VAV2: variants seen among roughly 807,000 people sequenced by gnomAD.
VAV2 encodes the protein vav guanine nucleotide exchange factor 2, also known as guanine nucleotide exchange factor VAV2.
In VAV2, 67 loss-of-function variants were observed where a neutral mutation model predicts 132.5. The observed-to-expected ratio is 0.51, with a 90% confidence interval of 0.42 to 0.62. The LOEUF is 0.62. Ranked by LOEUF, VAV2 falls within the 20% of genes least tolerant of loss-of-function variation. The pLI is 0.00. For synonymous variants in VAV2, 492 were observed against 443.5 expected, an observed-to-expected ratio of 1.11 and a Z score of -1.37; for missense variants, 938 against 1,153.6, an observed-to-expected ratio of 0.81 and a Z score of 2.71.
intron 1 of VAV2, among the ~76,000 whole-genome samples, chr9:133,971,156 G>A (rs953118808): frequency 6.6e-6 from 1 of 152,204 alleles, no homozygotes; most frequent in Non-Finnish European, 1.5e-5. Context: ...GTCAGGCAGA[G>A]TCCGTGTGCC....
At chr9:133,873,419 C>T (rs116384912) in intron 2 of VAV2, among the ~76,000 whole-genome samples, 5 of 152,312 alleles carry the variant, frequency 3.3e-5, no homozygotes, top group African/African-American at 9.6e-5. Flanking sequence ...ACTGTGCTCA[C>T]GGTGGAGTCA....
chr9:133,909,026 A>G (rs1380838310), intron 2 of VAV2, among the ~76,000 whole-genome samples: 1 of 152,254 alleles, frequency 6.6e-6, no homozygotes, highest in African/African-American at 2.4e-5. Context: ...CGGTAAGAAC[A>G]TCGAACTCAA....
At position 133,863,877 on chromosome 9, in the gene VAV2, G is replaced by A. The variant is rs961132888; in HGVS notation, c.322-2445C>T. On this transcript the variant is annotated intron_variant, in intron 2 of 29. Coordinates refer to ENST00000371850, the MANE Select transcript of VAV2 (RefSeq NM_001134398.2). This position sits in a 1 kb window ranked among gnomAD's most constrained non-coding sequence, Gnocchi z 5.0. ...CCATGGGGTCAGATGGGGCAAAGCC[G>A]GCCCCATGTGAAACCCACTGGCCTG... 7.9e-5 allele frequency among the ~76,000 whole-genome samples: 12 copies of A among 152,128 alleles called. No homozygotes were observed. Among genetic ancestry groups the A allele is most frequent in the East Asian group, 1.9e-4 (1 of 5,172 alleles).
Position 133,931,506 on chromosome 9 carries a change from C to T in VAV2, c.321+7597G>A, listed in dbSNP as rs536463999. ...TTCTTCCCTCCCTTCTGCCCAGCTG[C>T]CTTCCCTGTCCTCTGCCCAGAAGTG... On this transcript the variant is annotated intron_variant, in intron 2 of 29. Transcript: ENST00000371850. Among the ~76,000 whole-genome samples, 5 of 152,354 alleles carry T rather than the reference C, an allele frequency of 3.3e-5. No homozygotes were observed. The East Asian group carries it at 9.7e-4, about 29-fold the overall frequency.
chr9:133,876,062 G>T (rs904578800), intron 2 of VAV2, among the ~76,000 whole-genome samples: 1 of 152,236 alleles, frequency 6.6e-6, no homozygotes, highest in Admixed American at 6.5e-5. Flanking sequence ...TGGGACTCAC[G>T]CCATCAGGCC....
intron 2 of VAV2, among the ~76,000 whole-genome samples, chr9:133,873,557 G>A (rs1030319378): frequency 1.1e-4 from 17 of 152,166 alleles, no homozygotes; most frequent in South Asian, 2.1e-4. Flanking sequence ...CCTGGGAAAC[G>A]CCTGGACCAA....
intron 2 of VAV2, among the ~76,000 whole-genome samples, chr9:133,901,075 T>C (rs1185750723): frequency 6.6e-6 from 1 of 152,086 alleles, no homozygotes; most frequent in Admixed American, 6.6e-5. Flanking sequence ...GCTGATATCA[T>C]AGGCATGAGC....
Position 133,857,668 on chromosome 9 carries a change from TC to T in VAV2, c.380+3705del, listed in dbSNP as rs945221188. On this transcript the variant is annotated intron_variant, in intron 3 of 29. Coordinates refer to ENST00000371850, the MANE Select transcript of VAV2 (RefSeq NM_001134398.2). The surrounding 1 kb of genome is among the most constrained non-coding windows in gnomAD (Gnocchi z 4.0). ...GGTGGCTGCCCCCAGAAGGTTCAATTCCCCATGGAAATCCCAGCCCATCCGG... is the reference window on the plus strand; with the variant it reads ...GGTGGCTGCCCCCAGAAGGTTCAATTCCCATGGAAATCCCAGCCCATCCGG... 2.6e-5 allele frequency among the ~76,000 whole-genome samples: 4 copies of T among 152,148 alleles called. No homozygotes were observed. The highest frequency in any genetic ancestry group is 7.2e-5 in the African/African-American group (3 of 41,412).
At chr9:133,831,597 C>G (rs1244113600) in intron 4 of VAV2, among the ~76,000 whole-genome samples, 1 of 152,248 alleles carries the variant, frequency 6.6e-6, no homozygotes, top group African/African-American at 2.4e-5. Context: ...GGCTGAACAC[C>G]CAGGAGGCTC....
At position 133,943,626 on chromosome 9, in the gene VAV2, C is replaced by G. The variant is rs571292061; in HGVS notation, c.205-4407G>C. Among the ~76,000 whole-genome samples the G allele has an allele frequency of 4.6e-5, 7 of 152,318 alleles. No individual in the cohort carries two copies. The East Asian group carries it at 1.4e-3, about 30-fold the overall frequency. On this transcript the variant is annotated intron_variant, in intron 1 of 29. Coordinates refer to ENST00000371850, the MANE Select transcript of VAV2 (RefSeq NM_001134398.2). The stretch of plus-strand genomic sequence containing the variant: ...TGACAAGGGTCCCAGGGCTGAGTGC[C>G]CTCTCCCCCAGGCTGGCGGCTATGG...
chr9:133,955,936 C>T (rs749997679), intron 1 of VAV2, among the ~76,000 whole-genome samples: 13 of 150,416 alleles, frequency 8.6e-5, no homozygotes, highest in Non-Finnish European at 1.8e-4. Flanking sequence ...AAGGCACGGC[C>T]CCTGCTGGAG....
intron 2 of VAV2, among the ~76,000 whole-genome samples, chr9:133,917,334 A>G (rs1840128660): frequency 6.6e-6 from 1 of 152,108 alleles, no homozygotes; most frequent in African/African-American, 2.4e-5. Flanking sequence ...ACAGGGACAA[A>G]CTCTCAAGTC....
At chr9:133,846,261 G>A (rs1463963371) in intron 3 of VAV2, among the ~76,000 whole-genome samples, 8 of 152,126 alleles carry the variant, frequency 5.3e-5, no homozygotes, top group African/African-American at 1.7e-4. Flanking sequence ...CTGGGTCATC[G>A]CAAGGGACTG....
chr9:133,870,309 G>A (rs935807161), intron 2 of VAV2, among the ~76,000 whole-genome samples: 1 of 152,178 alleles, frequency 6.6e-6, no homozygotes, highest in Admixed American at 6.5e-5. Flanking sequence ...AGACAGCTGA[G>A]CGGCAAAATG....
intron 25 of VAV2, 99 bp from the exon 26 acceptor site, chr9:133,772,145 C>A: frequency 1.3e-6 from 1 of 782,026 alleles, no homozygotes; most frequent in East Asian, 2.4e-5. Flanking sequence ...CAGCAAAGCC[C>A]CTCGTCCCTG....
intron 2 of VAV2, among the ~76,000 whole-genome samples, chr9:133,887,791 C>T (rs961993237): frequency 6.6e-6 from 1 of 151,724 alleles, no homozygotes. Context: ...CCTCTGCCTC[C>T]CATCCCCCGC....
intron 3 of VAV2, among the ~76,000 whole-genome samples, chr9:133,837,329 T>C (rs1205148793): frequency 5.9e-5 from 9 of 152,222 alleles, no homozygotes; most frequent in Middle Eastern, 3.2e-3. Flanking sequence ...CCACTCGCCA[T>C]GATGATTTTG....
rs1180927579 is a variant in VAV2 at position 133,992,312 on chromosome 9, C to A, written c.-34G>T. 3.8e-6 allele frequency: 5 copies of A among 1,327,312 alleles called. No homozygotes were observed. The highest frequency in any genetic ancestry group is 2.7e-4 in the Middle Eastern group (1 of 3,720). 82.2% of individuals were successfully genotyped at this position (1,327,312 alleles called of 1,614,324 possible). On this transcript the variant is annotated 5_prime_UTR_variant, in exon 1 of 30. Transcript: ENST00000371850. The surrounding 1 kb of genome is among the most constrained non-coding windows in gnomAD (Gnocchi z 5.5). Reference sequence around the variant, plus strand: ...CGGGCCCGACCGGCTCAGGGCAGTGCTCGAGCCAAAGTGCAGCGGCCGCGG... The same window carrying A: ...CGGGCCCGACCGGCTCAGGGCAGTGATCGAGCCAAAGTGCAGCGGCCGCGG...
At chr9:133,806,240 G>A (rs529476222) in intron 8 of VAV2, 59 bp from the exon 9 acceptor site, 23 of 1,531,390 alleles carry the variant, frequency 1.5e-5, no homozygotes, top group East Asian at 2.4e-5. Flanking sequence ...AGACGGGAGC[G>A]CCGCCCTTAA....
Sources: allele counts gnomAD v4.1 joint callset (sites outside exome capture counted in the v4.1 genomes callset), GRCh38; gene constraint gnomAD v4.1.1; non-coding constraint Gnocchi (gnomAD v3.1); transcripts MANE v1.5; gene names NCBI Gene and HGNC (gene_info 2026-07-23, HGNC 2026-07-21).